The following PRKCB variants were observed in gnomAD, a reference collection of about 807,000 sequenced individuals.
PRKCB encodes the protein protein kinase C beta.
Under a neutral mutation model 81.5 loss-of-function variants are expected in PRKCB, and 13 were observed. The ratio of observed to expected loss-of-function variants is 0.16; its 90% CI spans 0.10 to 0.25. PRKCB has a LOEUF of 0.25. Among genes scored for constraint, PRKCB ranks in the 10% least tolerant of loss-of-function variants. The pLI is 1.00. For synonymous variants in PRKCB, 335 were observed against 321.4 expected (o/e 1.04, Z -0.45); for missense variants, 509 against 875.7 (o/e 0.58, Z 5.29).
chr16:23,925,718 A>G (rs1175545900), intron 2 of PRKCB, among the ~76,000 whole-genome samples: 2 of 152,040 alleles, frequency 1.3e-5, no homozygotes, highest in Non-Finnish European at 2.9e-5. Context: ...TGCTTTTGGT[A>G]TGTCCATCAC....
intron 2 of PRKCB, among the ~76,000 whole-genome samples, chr16:23,881,990 CTTTCTTTCTTTCTT>C: frequency 3.1e-5 from 1 of 31,904 alleles, no homozygotes; most frequent in African/African-American, 9.0e-5. Context: ...TTCTTTCTTT[CTTTCTTTCTTTCTT>C]TCTTTCTTTC....
Position 24,205,396 on chromosome 16 carries a change from C to T in PRKCB, c.1864-9262C>T, listed in dbSNP as rs1206574587. Among the ~76,000 whole-genome samples, 3 of 151,752 alleles carry T rather than the reference C, an allele frequency of 2.0e-5. No homozygotes were observed. The East Asian group carries it at 5.9e-4, about 30-fold the overall frequency. ...TCTCAAACTCCTGATCTCAAGTGAT[C>T]CTTCCACCTGGGCCTCCCAAAGTGC... On this transcript the variant is annotated intron_variant, in intron 16 of 16. Coordinates refer to ENST00000643927, the MANE Select transcript of PRKCB (RefSeq NM_002738.7).
At chr16:23,958,093 G>C (rs1057217980) in intron 2 of PRKCB, among the ~76,000 whole-genome samples, 9 of 152,184 alleles carry the variant, frequency 5.9e-5, no homozygotes, top group African/African-American at 2.2e-4. Context: ...CCAAGTTCAA[G>C]GGATTCTCCT....
chr16:24,042,806 C>T (rs545268061), intron 5 of PRKCB, among the ~76,000 whole-genome samples: 13 of 149,332 alleles, frequency 8.7e-5, no homozygotes, highest in African/African-American at 3.0e-4. Flanking sequence ...GGCGTAATCA[C>T]GGCTTACTGC....
chr16:24,154,465 G>A (rs193132972), intron 9 of PRKCB, among the ~76,000 whole-genome samples: 2 of 152,308 alleles, frequency 1.3e-5, no homozygotes, highest in Admixed American at 6.5e-5. Context: ...GCTGCAGTGA[G>A]TCATGATCAT....
At chr16:23,847,542 A>ATCCG (rs1962400331) in intron 2 of PRKCB, among the ~76,000 whole-genome samples, 1 of 148,566 alleles carries the variant, frequency 6.7e-6, no homozygotes, top group Non-Finnish European at 1.5e-5. Context: ...TCTTCCATTC[A>ATCCG]TCCATCCAAC....
chr16:24,123,799 C>A, intron 8 of PRKCB, 36 bp from the exon 9 acceptor site: 1 of 1,610,108 alleles, frequency 6.2e-7, no homozygotes, highest in South Asian at 1.1e-5. Context: ...CGTCCTCAAA[C>A]CCTGAGCATG....
intron 16 of PRKCB, among the ~76,000 whole-genome samples, chr16:24,192,374 C>A (rs2141980671): frequency 6.6e-6 from 1 of 152,280 alleles, no homozygotes; most frequent in East Asian, 1.9e-4. Context: ...CTTAAGATAA[C>A]ATCTGTGTGT....
chr16:23,985,384 A>T (rs1237157551), intron 2 of PRKCB, among the ~76,000 whole-genome samples: 2 of 152,226 alleles, frequency 1.3e-5, no homozygotes, highest in Non-Finnish European at 2.9e-5. Flanking sequence ...GGCATGAACC[A>T]CTGCGCACAG....
At chr16:24,094,116 G>T in intron 6 of PRKCB, 47 bp from the exon 7 acceptor site, 1 of 1,589,192 alleles carries the variant, frequency 6.3e-7, no homozygotes, top group Non-Finnish European at 8.6e-7. Context: ...TTCTGCTTGA[G>T]AAATTACTAC....
intron 5 of PRKCB, among the ~76,000 whole-genome samples, chr16:24,051,286 C>T (rs1965839148): frequency 6.6e-6 from 1 of 152,136 alleles, no homozygotes; most frequent in African/African-American, 2.4e-5. Context: ...GGGAAACCAG[C>T]CTTAGGGCTG....
At chr16:24,100,035 TG>T (rs1966485555) in intron 7 of PRKCB, 1 of 152,030 alleles carries the variant, frequency 6.6e-6, no homozygotes, top group Non-Finnish European at 1.5e-5. Context: ...GGCTTGCTTA[TG>T]GTGCAACTTC....
At chr16:24,142,918 G>C (rs952816010) in intron 9 of PRKCB, among the ~76,000 whole-genome samples, 2 of 152,028 alleles carry the variant, frequency 1.3e-5, no homozygotes, top group African/African-American at 4.8e-5. Context: ...CCACAAACCT[G>C]CTCCCTAGTG....
chr16:23,842,781 T>A (rs891265564), intron 2 of PRKCB, among the ~76,000 whole-genome samples: 12 of 152,246 alleles, frequency 7.9e-5, no homozygotes, highest in African/African-American at 2.9e-4. Flanking sequence ...CTATTGTTGT[T>A]TTCATCAATA....
intron 9 of PRKCB, among the ~76,000 whole-genome samples, chr16:24,140,131 A>C (rs1966884932): frequency 6.6e-6 from 1 of 152,230 alleles, no homozygotes; most frequent in Non-Finnish European, 1.5e-5. Context: ...TGATGTGGCC[A>C]CTGTCAAATG....
intron 10 of PRKCB, among the ~76,000 whole-genome samples, chr16:24,170,150 T>A (rs1967419115): frequency 6.6e-6 from 1 of 152,144 alleles, no homozygotes; most frequent in South Asian, 2.1e-4. Flanking sequence ...GTCTACTTGC[T>A]AGAATGAAAG....
intron 10 of PRKCB, among the ~76,000 whole-genome samples, chr16:24,170,824 A>G (rs1373453511): frequency 6.6e-6 from 1 of 152,218 alleles, no homozygotes; most frequent in Admixed American, 6.5e-5. Context: ...CTCTCTGGGC[A>G]CCTGCTATGT....
chr16:23,939,586 A>G (rs1596480708), intron 2 of PRKCB, among the ~76,000 whole-genome samples: 1 of 152,218 alleles, frequency 6.6e-6, no homozygotes, highest in African/African-American at 2.4e-5. Context: ...TGACAAAGGC[A>G]CAAAAGGAGT....
chr16:24,081,138 C>T (rs1271953073), intron 5 of PRKCB, among the ~76,000 whole-genome samples: 2 of 151,704 alleles, frequency 1.3e-5, no homozygotes, highest in Non-Finnish European at 2.9e-5. Context: ...TGTGTAAGAA[C>T]TCTTTGTAAA....
Sources: gnomAD v4.1 joint callset for allele counts (sites outside exome capture counted in the v4.1 genomes callset) on GRCh38, gnomAD v4.1.1 for gene constraint, MANE v1.5 for transcripts, NCBI Gene and HGNC (gene_info 2026-07-23, HGNC 2026-07-21) for gene names.